Variants in SMYD3 observed in about 807,000 individuals in gnomAD.
SMYD3 encodes the protein SET and MYND domain containing 3, also known as histone-lysine N-methyltransferase SMYD3.
SMYD3 carries 36 observed loss-of-function variants against 57.7 expected under a neutral mutation model. The observed-to-expected ratio is 0.62, with a 90% CI of 0.48 to 0.82. SMYD3 has a LOEUF of 0.82. SMYD3 is among the 40% of genes least tolerant of loss of function. SMYD3 has a pLI of 0.00. For synonymous variants in SMYD3, 211 were observed against 195.0 expected (o/e 1.08, Z -0.68); for missense variants, 515 against 538.8 (o/e 0.96, Z 0.44).
In SMYD3 at chr1:246,084,025, T is replaced by C. The variant is rs886806542; in HGVS notation, c.532-154088A>G. 2.0e-5 allele frequency among the ~76,000 whole-genome samples: 3 copies of C among 152,126 alleles called. No individual in the cohort carries two copies. In the East Asian group the frequency reaches 5.8e-4, roughly 29 times the overall value. ...ACCCAAGGATTTTTTTTTAATACTGTAGTATTGTTTGGCTTACTACTTATT... is the reference window on the plus strand; with the variant it reads ...ACCCAAGGATTTTTTTTTAATACTGCAGTATTGTTTGGCTTACTACTTATT... On this transcript the variant is annotated intron_variant, in intron 5 of 11. Transcript: ENST00000490107.
intron 5 of SMYD3, among the ~76,000 whole-genome samples, chr1:246,059,228 G>A (rs1019062854): frequency 3.3e-5 from 5 of 152,086 alleles, no homozygotes; most frequent in African/African-American, 7.2e-5. Flanking sequence ...AAAAGTAAAC[G>A]AGGGAGGCAA....
At chr1:246,437,556 TTC>T (rs1282415670) in intron 1 of SMYD3, among the ~76,000 whole-genome samples, 3 of 152,344 alleles carry the variant, frequency 2.0e-5, no homozygotes, top group East Asian at 3.9e-4. Context: ...GTCCAGATGT[TTC>T]TGTGTTTAGT....
intron 5 of SMYD3, among the ~76,000 whole-genome samples, chr1:246,099,419 G>A (rs1048670291): frequency 1.3e-5 from 2 of 152,112 alleles, no homozygotes; most frequent in African/African-American, 4.8e-5. Flanking sequence ...GACTGACACT[G>A]AGTCCTAGCA....
At chr1:246,140,348 A>C (rs760943610) in intron 5 of SMYD3, among the ~76,000 whole-genome samples, 1 of 152,204 alleles carries the variant, frequency 6.6e-6, no homozygotes, top group Non-Finnish European at 1.5e-5. Flanking sequence ...CATCTTGTAC[A>C]CGTATTCTTT....
At chr1:245,816,798 G>A (rs566876421) in intron 10 of SMYD3, among the ~76,000 whole-genome samples, 4 of 152,276 alleles carry the variant, frequency 2.6e-5, no homozygotes, top group African/African-American at 9.6e-5. Flanking sequence ...GACGCACCTG[G>A]AAAATCGGGT....
chr1:245,882,157 G>A (rs1235780900), intron 8 of SMYD3, among the ~76,000 whole-genome samples: 2 of 152,212 alleles, frequency 1.3e-5, no homozygotes, highest in African/African-American at 4.8e-5. Context: ...ACAGAGAAGG[G>A]TGCTGAAGAA....
intron 1 of SMYD3, among the ~76,000 whole-genome samples, chr1:246,494,392 C>T (rs1273649453): frequency 6.6e-6 from 1 of 152,168 alleles, no homozygotes; most frequent in Non-Finnish European, 1.5e-5. Flanking sequence ...AGGTTCTCAA[C>T]TCTGGCTATG....
intron 5 of SMYD3, among the ~76,000 whole-genome samples, chr1:246,029,109 A>G (rs1337466277): frequency 6.6e-6 from 1 of 152,206 alleles, no homozygotes; most frequent in African/African-American, 2.4e-5. Flanking sequence ...AGGACCCAAA[A>G]CTATAAAACT....
At chr1:246,049,875 T>C (rs12145214) in intron 5 of SMYD3, among the ~76,000 whole-genome samples, 16,126 of 152,218 alleles carry the variant, frequency 0.11, 947 homozygotes, top group African/African-American at 0.13. Flanking sequence ...TTTCAGTCAT[T>C]ACTTACCACT....
At chr1:246,331,635 T>G (rs2065463681) in intron 3 of SMYD3, among the ~76,000 whole-genome samples, 1 of 152,232 alleles carries the variant, frequency 6.6e-6, no homozygotes, top group South Asian at 2.1e-4. Context: ...ATGGGGTTAA[T>G]TTCAGCCTTA....
At chr1:246,071,360 C>A (rs2060439429) in intron 5 of SMYD3, among the ~76,000 whole-genome samples, 1 of 152,010 alleles carries the variant, frequency 6.6e-6, no homozygotes, top group Non-Finnish European at 1.5e-5. Context: ...GGATTAAGGA[C>A]AATGATGAAG....
intron 5 of SMYD3, among the ~76,000 whole-genome samples, chr1:246,174,351 G>C (rs1057113953): frequency 6.6e-6 from 1 of 152,062 alleles, no homozygotes; most frequent in Non-Finnish European, 1.5e-5. Context: ...AAAGTTCCCC[G>C]CTCTATTATA....
At chr1:246,327,388 G>C in intron 4 of SMYD3, 51 bp from the exon 5 acceptor site, 1 of 1,539,372 alleles carries the variant, frequency 6.5e-7, no homozygotes, top group South Asian at 1.2e-5. Flanking sequence ...ACTTCTGAAG[G>C]ATAATTTTCA....
intron 11 of SMYD3, 121 bp downstream of exon 11, chr1:245,763,920 C>A (rs1373654838): frequency 3.0e-6 from 2 of 668,396 alleles, no homozygotes; most frequent in South Asian, 2.2e-5. Flanking sequence ...CCAGCACACA[C>A]TGGGCATGCG....
intron 5 of SMYD3, among the ~76,000 whole-genome samples, chr1:245,981,444 TAAG>T (rs1199608380): frequency 6.6e-6 from 1 of 152,252 alleles, no homozygotes; most frequent in Non-Finnish European, 1.5e-5. Flanking sequence ...TAAACCTGAC[TAAG>T]AAGAACCTTT....
intron 5 of SMYD3, among the ~76,000 whole-genome samples, chr1:246,226,445 T>C (rs2063331680): frequency 6.6e-6 from 1 of 152,238 alleles, no homozygotes; most frequent in Admixed American, 6.5e-5. Flanking sequence ...TCAATGGCTG[T>C]GCTAGAATAA....
At chr1:246,318,505 A>G (rs2065199840) in intron 5 of SMYD3, among the ~76,000 whole-genome samples, 1 of 152,216 alleles carries the variant, frequency 6.6e-6, no homozygotes, top group East Asian at 1.9e-4. Context: ...CCTGCATACA[A>G]TGAAGGTTGC....
At chr1:245,751,865 G>A (rs1006795942) in intron 11 of SMYD3, among the ~76,000 whole-genome samples, 1 of 152,220 alleles carries the variant, frequency 6.6e-6, no homozygotes, top group Non-Finnish European at 1.5e-5. Context: ...CCTAGGCAGG[G>A]GGCTGTCCGG....
chr1:246,438,936 C>T (rs1161517319), intron 1 of SMYD3, among the ~76,000 whole-genome samples: 2 of 151,780 alleles, frequency 1.3e-5, no homozygotes, highest in Non-Finnish European at 2.9e-5. Context: ...GGCAATAATG[C>T]TCGTTCACCC....
Sources: allele counts gnomAD v4.1 joint callset (sites outside exome capture counted in the v4.1 genomes callset), GRCh38; gene constraint gnomAD v4.1.1; transcripts MANE v1.5; gene names NCBI Gene and HGNC (gene_info 2026-07-23, HGNC 2026-07-21).